The following OR7E24 variants were observed in gnomAD, a reference collection of about 807,000 sequenced individuals.
OR7E24 encodes olfactory receptor family 7 subfamily E member 24.
For synonymous variants in OR7E24, 130 were observed against 157.5 expected (o/e 0.83, Z 1.31); for missense variants, 385 against 410.3 (o/e 0.94, Z 0.53).
the OR7E24 span, among the ~76,000 whole-genome samples, chr19:9,237,790 T>C: frequency 6.6e-6 from 1 of 151,002 alleles, no homozygotes; most frequent in Non-Finnish European, 1.5e-5. Flanking sequence ...TGTAAATTTG[T>C]TTGTTTGGTT....
At chr19:9,216,200 C>T in the OR7E24 span, among the ~76,000 whole-genome samples, 2,024 of 152,284 alleles carry the variant, frequency 0.013, 57 homozygotes, top group African/African-American at 0.047. Context: ...ACCCCCTGCA[C>T]CCCACAGTCA....
At chr19:9,244,980 G>C (rs112169950), upstream of OR7E24, among the ~76,000 whole-genome samples, 8,025 of 152,178 alleles carry the variant, frequency 0.053, 433 homozygotes, top group African/African-American at 0.14. Flanking sequence ...AAGGCGGGCA[G>C]ATCACCTGAG....
At position 9,251,369 on chromosome 19, in the gene OR7E24, T is replaced by C; in HGVS notation, c.326T>C (p.Val109Ala). The C allele has an allele frequency of 6.2e-7, 1 of 1,613,882 alleles. No individual in the cohort carries two copies. The highest frequency in any genetic ancestry group is 8.5e-7 in the Non-Finnish European group (1 of 1,179,910). The change falls in exon 1 of 1, where the codon GTC (valine) becomes GCC (alanine). Residue 109 changes from valine (V) to alanine (A), a missense_variant. Transcript: ENST00000456448. ...MIVDMQTHSR[V>A]ISYEGCLTQM... is the part of the protein sequence containing the mutation. ...GTGGACATGCAAACTCACAGCAGAG[T>C]CATCTCCTATGAAGGCTGCCTGACT... is the stretch of plus-strand genomic sequence containing the variant.
At chr19:9,235,313 G>C in the OR7E24 span, 20 of 1,257,716 alleles carry the variant, frequency 1.6e-5, no homozygotes, top group East Asian at 2.3e-5. Context: ...CACCTCCACA[G>C]CCCCATGTAA....
At chr19:9,237,497 A>G in the OR7E24 span, among the ~76,000 whole-genome samples, 14 of 149,762 alleles carry the variant, frequency 9.3e-5, no homozygotes, top group Middle Eastern at 3.4e-3. Context: ...TTTTTTTTTT[A>G]GTAGAGACGG....
chr19:9,225,770 C>T, the OR7E24 span, among the ~76,000 whole-genome samples: 20 of 152,318 alleles, frequency 1.3e-4, 1 homozygote, highest in South Asian at 4.1e-3. Context: ...GCATTCCTTA[C>T]TTATCCATTT....
chr19:9,236,084 G>T, the OR7E24 span: 2 of 1,428,982 alleles, frequency 1.4e-6, no homozygotes, highest in Non-Finnish European at 2.0e-6. Flanking sequence ...TGTCTCTTAC[G>T]GTACACAACC....
chr19:9,217,066 CT>C, the OR7E24 span, among the ~76,000 whole-genome samples: 1 of 152,160 alleles, frequency 6.6e-6, no homozygotes, highest in Non-Finnish European at 1.5e-5. Context: ...ATGAAGATCC[CT>C]ATGCTTCCCT....
chr19:9,222,156 T>C, the OR7E24 span, among the ~76,000 whole-genome samples: 1 of 152,216 alleles, frequency 6.6e-6, no homozygotes, highest in Non-Finnish European at 1.5e-5. Flanking sequence ...CTGTGGTTGA[T>C]ATTTTGTTCA....
rs114900481 is a variant in OR7E24 at position 9,250,962 on chromosome 19, G to T, written c.-82G>T. 2.9e-3 allele frequency: 2,923 copies of T among 992,336 alleles called. 53 individuals carry two copies. The African/African-American group carries it at 0.039, about 13-fold the overall frequency. 61.5% of individuals were successfully genotyped at this position (992,336 alleles called of 1,614,324 possible). A position where few individuals can be genotyped will look rare whatever the true frequency, so the allele number is the denominator to read the frequency against. Reference sequence around the variant, plus strand: ...GTCACAACTGAGAACTATTGCTGAGGGTGTATAATCCTATGTGAAAACTTA... The same window carrying T: ...GTCACAACTGAGAACTATTGCTGAGTGTGTATAATCCTATGTGAAAACTTA... On this transcript the variant is annotated 5_prime_UTR_variant, in exon 1 of 1. Transcript: ENST00000456448.
At chr19:9,232,020 A>T in the OR7E24 span, among the ~76,000 whole-genome samples, 1 of 152,300 alleles carries the variant, frequency 6.6e-6, no homozygotes, top group South Asian at 2.1e-4. Context: ...AGGGTAAGAG[A>T]GTCCTTGGCA....
the OR7E24 span, among the ~76,000 whole-genome samples, chr19:9,216,833 C>T: frequency 1.4e-4 from 22 of 152,304 alleles, no homozygotes; most frequent in East Asian, 4.2e-3. Flanking sequence ...CTCAAGTGAT[C>T]CACCCACCTT....
chr19:9,227,562 A>G, the OR7E24 span, among the ~76,000 whole-genome samples: 2 of 151,946 alleles, frequency 1.3e-5, no homozygotes, highest in Non-Finnish European at 2.9e-5. Context: ...ATAGTATTCC[A>G]TGGTGTATAT....
the OR7E24 span, chr19:9,236,282 G>A: frequency 1.2e-5 from 6 of 483,696 alleles, no homozygotes; most frequent in Non-Finnish European, 2.2e-5. Flanking sequence ...GGAGGCAGAG[G>A]CGGGCAGATC....
chr19:9,214,250 G>A, the OR7E24 span: 1 of 1,614,154 alleles, frequency 6.2e-7, no homozygotes, highest in South Asian at 1.1e-5. Context: ...ACAAGACAAT[G>A]TTATTGAGGA....
the OR7E24 span, among the ~76,000 whole-genome samples, chr19:9,220,666 A>G: frequency 5.3e-5 from 8 of 152,318 alleles, no homozygotes; most frequent in African/African-American, 1.7e-4. Flanking sequence ...TAATGCTCCA[A>G]TAAACATGGG....
the OR7E24 span, among the ~76,000 whole-genome samples, chr19:9,227,427 G>T: frequency 6.6e-6 from 1 of 151,752 alleles, no homozygotes. Context: ...ACGGGGTTTC[G>T]CCACGTTGGC....
At chr19:9,223,376 A>C in the OR7E24 span, among the ~76,000 whole-genome samples, 4 of 152,244 alleles carry the variant, frequency 2.6e-5, no homozygotes, top group African/African-American at 4.8e-5. Context: ...TAAAGGCTGG[A>C]AAATGTTATG....
At chr19:9,221,023 C>T in the OR7E24 span, among the ~76,000 whole-genome samples, 48,802 of 151,856 alleles carry the variant, frequency 0.32, 8,460 homozygotes, top group African/African-American at 0.44. Flanking sequence ...GCCTGTAATC[C>T]CAGCACTTTG....
Sources: gnomAD v4.1 joint callset for allele counts (sites outside exome capture counted in the v4.1 genomes callset) on GRCh38, gnomAD v4.1.1 for gene constraint, MANE v1.5 for transcripts, NCBI Gene and HGNC (gene_info 2026-07-23, HGNC 2026-07-21) for gene names.